Variants in HMGCS2 observed in about 807,000 individuals in gnomAD.
The protein encoded by HMGCS2 is hydroxymethylglutaryl-CoA synthase, mitochondrial.
Under a neutral mutation model 57.4 loss-of-function variants are expected in HMGCS2, and 50 were observed. That is an observed-to-expected ratio of 0.87 (90% confidence interval 0.69 to 1.10). The LOEUF is 1.10. HMGCS2 is among the 50% of genes least tolerant of loss of function. The pLI is 0.00. For synonymous variants in HMGCS2, 254 were observed against 245.1 expected, an observed-to-expected ratio of 1.04 and a Z score of -0.34; for missense variants, 627 against 636.5, an observed-to-expected ratio of 0.99 and a Z score of 0.16.
At position 119,757,333 on chromosome 1, in the gene HMGCS2, T is replaced by C; in HGVS notation, c.956A>G (p.Asp319Gly). 6.2e-7 allele frequency: 1 copy of C among 1,614,124 alleles called. No homozygotes were observed. The highest frequency in any genetic ancestry group is 8.5e-7 in the Non-Finnish European group (1 of 1,180,018). Residue 319 changes from aspartate to glycine, a missense_variant, in exon 5 of 10, where the codon GAC becomes GGC. Asp to Gly is a moderately conservative substitution (Grantham distance 94). Coordinates refer to ENST00000369406, the MANE Select transcript of HMGCS2 (RefSeq NM_005518.4). ...QKSLARLMFN[D>G]FLSASSDTQT... Reference sequence around the variant, plus strand: ...TGTGTCACTGCTGGCTGACAGGAAGTCATTGAACATCAGGCGAGCCAGAGA... The same window carrying C: ...TGTGTCACTGCTGGCTGACAGGAAGCCATTGAACATCAGGCGAGCCAGAGA...
chr1:119,766,865 A>G (rs1418473883), intron 1 of HMGCS2, among the ~76,000 whole-genome samples: 1 of 152,280 alleles, frequency 6.6e-6, no homozygotes, highest in East Asian at 1.9e-4. Flanking sequence ...AAAGCCTTGA[A>G]GAAAATTAAC....
chr1:119,767,104 T>A (rs1222787194), intron 1 of HMGCS2, among the ~76,000 whole-genome samples: 1 of 152,108 alleles, frequency 6.6e-6, no homozygotes, highest in Non-Finnish European at 1.5e-5. Context: ...GAAGGGTTTG[T>A]GAGGGTTGAA....
chr1:119,759,429 C>T, intron 3 of HMGCS2, 147 bp from the exon 4 acceptor site: 3 of 781,786 alleles, frequency 3.8e-6, no homozygotes, highest in Non-Finnish European at 6.5e-6. Flanking sequence ...CTTGCATATT[C>T]AAAAGGAGTT....
At chr1:119,760,073 A>G in intron 2 of HMGCS2, 84 bp from the exon 3 acceptor site, 1 of 1,278,052 alleles carries the variant, frequency 7.8e-7, no homozygotes, top group South Asian at 1.2e-5. Context: ...GCACAATTCT[A>G]GGTCCTGGAT....
In HMGCS2 at chr1:119,759,237, G is replaced by T; in HGVS notation, c.731C>A (p.Pro244Gln). 1 of 1,614,028 alleles carries T rather than the reference G, an allele frequency of 6.2e-7. No homozygotes were observed. The highest frequency in any genetic ancestry group is 1.1e-5 in the South Asian group (1 of 91,066). ...HMENVYDFYK[P>Q]NLASEYPIVD... is the part of the protein sequence containing the mutation. Reference sequence around the variant, plus strand: ...TATTGGGTACTCCGAGGCCAAATTTGGTTTGTAGAAGTCATACACATTCTC... The same window carrying T: ...TATTGGGTACTCCGAGGCCAAATTTTGTTTGTAGAAGTCATACACATTCTC... Residue 244 changes from proline to glutamine, a missense_variant, in exon 4 of 10, where the codon CCA (proline) becomes CAA (glutamine). Physicochemically the swap from Pro to Gln is moderately conservative, Grantham distance 76. Coordinates refer to ENST00000369406, the MANE Select transcript of HMGCS2 (RefSeq NM_005518.4).
intron 5 of HMGCS2, among the ~76,000 whole-genome samples, chr1:119,756,724 T>C (rs1251672632): frequency 6.6e-6 from 1 of 152,170 alleles, no homozygotes; most frequent in Non-Finnish European, 1.5e-5. Context: ...ATTTTATAGA[T>C]GGGAGAAAAG....
intron 6 of HMGCS2, 125 bp from the exon 7 acceptor site, chr1:119,753,511 C>T: frequency 1.5e-6 from 1 of 674,806 alleles, no homozygotes; most frequent in Non-Finnish European, 2.7e-6. Flanking sequence ...TCCCGATCTT[C>T]TCCCTGTCTA....
At chr1:119,757,574 G>C (rs1324989279) in intron 4 of HMGCS2, 136 bp from the exon 5 acceptor site, 1 of 1,380,674 alleles carries the variant, frequency 7.2e-7, no homozygotes, top group South Asian at 1.4e-5. Flanking sequence ...ACACATATGA[G>C]CTTTATTTAT....
intron 9 of HMGCS2, among the ~76,000 whole-genome samples, chr1:119,749,056 C>T (rs1157226227): frequency 2.0e-5 from 3 of 152,172 alleles, no homozygotes; most frequent in African/African-American, 4.8e-5. Flanking sequence ...GGGTCCCCGT[C>T]GCACATCTGC....
At chr1:119,755,234 C>T (rs1042488728) in intron 6 of HMGCS2, among the ~76,000 whole-genome samples, 193 bp downstream of exon 6, 3 of 152,180 alleles carry the variant, frequency 2.0e-5, no homozygotes, top group African/African-American at 4.8e-5. Flanking sequence ...TCTCGAACTC[C>T]TAGGTTCAGG....
chr1:119,759,277 T>A lies in HMGCS2; in HGVS notation c.691A>T (p.Arg231Trp). The change falls in exon 4 of 10, where the codon AGG (arginine) becomes TGG (tryptophan). Residue 231 changes from arginine (R) to tryptophan (W), a missense_variant. Arg to Trp is a moderately radical substitution (Grantham distance 101). Transcript: ENST00000369406. ...TACACATTCTCCATATGGGTTCCCC[T>A]CAGCCCTGGAAAGGCACACAAAGTG... ...KAPLALERGL[R>W]GTHMENVYDF... The A allele has an allele frequency of 6.2e-7, 1 of 1,613,810 alleles. No individual in the cohort carries two copies. The highest frequency in any genetic ancestry group is 1.1e-5 in the South Asian group (1 of 91,072).
rs758565101 is a variant in HMGCS2 at position 119,757,326 on chromosome 1, C to T, written c.963G>A (p.Leu321=). 3 of 1,614,084 alleles carry T rather than the reference C, an allele frequency of 1.9e-6. No homozygotes were observed. The highest frequency in any genetic ancestry group is 2.7e-5 in the African/African-American group (2 of 74,918). Residue 321 remains leucine, a synonymous_variant, in exon 5 of 10, where the codon CTG becomes CTA. Coordinates refer to ENST00000369406, the MANE Select transcript of HMGCS2 (RefSeq NM_005518.4). ...SLARLMFNDF[L]SASSDTQTSL... is the part of the protein sequence containing the mutation. ...TGGTTTGTGTGTCACTGCTGGCTGA[C>T]AGGAAGTCATTGAACATCAGGCGAG... is the stretch of plus-strand genomic sequence containing the variant.
At chr1:119,762,094 A>G (rs1653064694) in intron 2 of HMGCS2, among the ~76,000 whole-genome samples, 1 of 152,226 alleles carries the variant, frequency 6.6e-6, no homozygotes, top group African/African-American at 2.4e-5. Context: ...TTAAAACTTT[A>G]TTTATCATTG....
chr1:119,750,670 T>C (rs185273326), intron 9 of HMGCS2, 127 bp downstream of exon 9: 58 of 707,614 alleles, frequency 8.2e-5, no homozygotes, highest in Admixed American at 6.9e-4. Flanking sequence ...CCATTTCTCC[T>C]GTCACCCCAA....
chr1:119,750,748 A>G (rs1031006384), intron 9 of HMGCS2, 49 bp downstream of exon 9: 1 of 1,181,648 alleles, frequency 8.5e-7, no homozygotes, highest in Non-Finnish European at 1.3e-6. Context: ...TGTTACTCAG[A>G]GGAAGACATT....
Position 119,755,520 on chromosome 1 carries a change from T to A in HMGCS2, c.1094A>T (p.Asp365Val), listed in dbSNP as rs759352736. 1 of 1,614,118 alleles carries A rather than the reference T, an allele frequency of 6.2e-7. No homozygotes were observed. Among genetic ancestry groups the A allele is most frequent in the Non-Finnish European group, 8.5e-7 (1 of 1,180,012 alleles). The stretch of plus-strand genomic sequence containing the variant: ...GTAAAGGGAAGCCTTGGTTTTCTTG[T>A]CGAACATGTCCTGAGAGGCCTTTAG... ...ALLKASQDMF[D>V]KKTKASLYLS... The change falls in exon 6 of 10, where the codon GAC becomes GTC. Residue 365 changes from aspartate (D) to valine (V), a missense_variant. By Grantham distance (152) the Asp-to-Val change is radical (BLOSUM62 -3). Coordinates refer to ENST00000369406, the MANE Select transcript of HMGCS2 (RefSeq NM_005518.4).
chr1:119,752,944 T>C (rs1299420630), intron 7 of HMGCS2, among the ~76,000 whole-genome samples: 1 of 152,200 alleles, frequency 6.6e-6, no homozygotes, highest in Admixed American at 6.5e-5. Context: ...AATAAATTCT[T>C]ATTAGGTATC....
chr1:119,750,811 A>T lies in HMGCS2; in HGVS notation c.1518T>A (p.Arg506=). ...CTCTCACTCACCACCTTTAGACGGG[A>T]CGCCGGGCATACTTTCGGCGATGCT... is the stretch of plus-strand genomic sequence containing the variant. The part of the protein sequence containing the change: ...DEQHRRKYAR[R]PV Residue 506 remains arginine, a synonymous_variant, in exon 9 of 10, where the codon CGT becomes CGA. Coordinates refer to ENST00000369406, the MANE Select transcript of HMGCS2 (RefSeq NM_005518.4). The T allele has an allele frequency of 6.2e-7, 1 of 1,612,506 alleles. No individual in the cohort carries two copies.
chr1:119,757,233 C>T, intron 5 of HMGCS2, 40 bp downstream of exon 5: 1 of 1,613,724 alleles, frequency 6.2e-7, no homozygotes, highest in East Asian at 2.2e-5. Flanking sequence ...TTCTTGCTCA[C>T]ACCTCACCAG....
Sources: allele counts gnomAD v4.1 joint callset (sites outside exome capture counted in the v4.1 genomes callset), GRCh38; gene constraint gnomAD v4.1.1; transcripts MANE v1.5; gene names NCBI Gene and HGNC (gene_info 2026-07-23, HGNC 2026-07-21).